The following CA10 variants were observed in gnomAD, a reference collection of about 807,000 sequenced individuals.
CA10 encodes carbonic anhydrase 10 (inactive).
A neutral mutation model predicts 44.2 loss-of-function variants in CA10; 14 were observed. That is an observed-to-expected ratio of 0.32 (90% CI 0.21 to 0.50). CA10 has a LOEUF of 0.50. Ranked by LOEUF, CA10 falls within the 20% of genes least tolerant of loss-of-function variation. CA10 has a pLI of 0.99. For synonymous variants in CA10, 159 were observed against 141.6 expected (o/e 1.12, Z -0.87); for missense variants, 350 against 409.7 (o/e 0.85, Z 1.26).
At chr17:51,788,234 T>G (rs1906371294) in intron 3 of CA10, among the ~76,000 whole-genome samples, 1 of 152,236 alleles carries the variant, frequency 6.6e-6, no homozygotes, top group Non-Finnish European at 1.5e-5. Flanking sequence ...GATTGTTTAA[T>G]TTCCATGTAT....
intron 3 of CA10, among the ~76,000 whole-genome samples, chr17:51,765,691 C>T (rs963931549): frequency 7.1e-6 from 1 of 140,284 alleles, no homozygotes; most frequent in Admixed American, 7.2e-5. Flanking sequence ...AGGCAGCTCC[C>T]TGTGTGTGTG....
chr17:51,749,447 C>G (rs1374765427), intron 3 of CA10, among the ~76,000 whole-genome samples: 2 of 152,194 alleles, frequency 1.3e-5, no homozygotes, highest in Admixed American at 1.3e-4. Flanking sequence ...GTGAGGAGAG[C>G]CATCCCAGGA....
At chr17:52,074,269 G>A (rs1987760875) in intron 1 of CA10, among the ~76,000 whole-genome samples, 1 of 152,136 alleles carries the variant, frequency 6.6e-6, no homozygotes, top group South Asian at 2.1e-4. Context: ...CCCCAAACCT[G>A]ATAATTCTCT....
chr17:52,076,358 C>T (rs985252588), intron 1 of CA10, among the ~76,000 whole-genome samples: 8 of 152,158 alleles, frequency 5.3e-5, no homozygotes, highest in African/African-American at 1.9e-4. Context: ...GCTTCTTTGG[C>T]TATCACATCC....
intron 2 of CA10, among the ~76,000 whole-genome samples, chr17:51,972,244 T>A (rs1369087028): frequency 1.3e-5 from 2 of 152,046 alleles, no homozygotes; most frequent in Non-Finnish European, 2.9e-5. Context: ...ACACTGAAAA[T>A]TTTTTGGAGA....
intron 3 of CA10, among the ~76,000 whole-genome samples, chr17:51,763,861 TTCTC>T (rs1268725012): frequency 6.6e-6 from 1 of 152,006 alleles, no homozygotes; most frequent in African/African-American, 2.4e-5. Flanking sequence ...AATCTGCCCA[TTCTC>T]TCTGTCTCTG....
At chr17:51,692,966 G>T (rs2143432544) in intron 4 of CA10, among the ~76,000 whole-genome samples, 1 of 152,256 alleles carries the variant, frequency 6.6e-6, no homozygotes, top group Non-Finnish European at 1.5e-5. Flanking sequence ...GTTTCAACAG[G>T]TCTTAGTCAG....
At chr17:51,966,288 G>C (rs1481275907) in intron 2 of CA10, among the ~76,000 whole-genome samples, 1 of 151,882 alleles carries the variant, frequency 6.6e-6, no homozygotes, top group Non-Finnish European at 1.5e-5. Context: ...GCTGCCCAGT[G>C]CAATCTACAG....
intron 4 of CA10, among the ~76,000 whole-genome samples, chr17:51,666,789 A>T (rs2066119287): frequency 6.6e-6 from 1 of 152,248 alleles, no homozygotes; most frequent in South Asian, 2.1e-4. Context: ...TAAGAAAATG[A>T]TGTATCAATT....
rs1419698858 is a variant in CA10, at chr17:51,715,046, G to C, written c.465+32587C>G. 4.6e-5 allele frequency among the ~76,000 whole-genome samples: 7 copies of C among 152,140 alleles called. No homozygotes were observed. In the East Asian group the frequency reaches 7.7e-4, roughly 17 times the overall value. On this transcript the variant is annotated intron_variant, in intron 4 of 8. Transcript: ENST00000451037. Reference sequence around the variant, plus strand: ...TGAAAAGAACAAAATAAGGGAGGATGATGAGTTCATGTCTTTGTAGGGACA... The same window carrying C: ...TGAAAAGAACAAAATAAGGGAGGATCATGAGTTCATGTCTTTGTAGGGACA...
intron 4 of CA10, among the ~76,000 whole-genome samples, chr17:51,736,995 G>T (rs958271746): frequency 1.2e-4 from 18 of 152,174 alleles, no homozygotes; most frequent in Non-Finnish European, 7.3e-5. Flanking sequence ...TAAGGCTGAT[G>T]CAGAATTGAG....
At chr17:51,757,956 G>A (rs1374560446) in intron 3 of CA10, among the ~76,000 whole-genome samples, 1 of 152,108 alleles carries the variant, frequency 6.6e-6, no homozygotes, top group Non-Finnish European at 1.5e-5. Context: ...TGGCTTAGAT[G>A]TAGGTAAATA....
At chr17:51,749,201 A>T (rs890594609) in intron 3 of CA10, among the ~76,000 whole-genome samples, 6 of 152,174 alleles carry the variant, frequency 3.9e-5, no homozygotes, top group African/African-American at 1.4e-4. Context: ...CCTCCCTATA[A>T]CTACACTCCC....
intron 2 of CA10, among the ~76,000 whole-genome samples, chr17:52,021,832 A>G (rs1327509114): frequency 6.6e-6 from 1 of 152,118 alleles, no homozygotes; most frequent in Admixed American, 6.6e-5. Flanking sequence ...AGGAATGCAC[A>G]ACCTTCAAAT....
intron 1 of CA10, chr17:52,135,054 GA>G (rs753503635): frequency 4.2e-6 from 2 of 478,904 alleles, no homozygotes; most frequent in African/African-American, 2.0e-5. Flanking sequence ...GGTCGCCTGT[GA>G]GAAATAAAAA....
At chr17:51,956,084 T>C (rs972571754) in intron 2 of CA10, among the ~76,000 whole-genome samples, 7 of 152,194 alleles carry the variant, frequency 4.6e-5, no homozygotes, top group African/African-American at 2.4e-5. Flanking sequence ...AAATATTTTA[T>C]AGAAAAGCAT....
rs144122730 is a variant in CA10 at position 51,672,210 on chromosome 17, C to G, written c.466-18474G>C. Reference sequence around the variant, plus strand: ...CCTCTTCCCCCAAATACACACAGATCGTCACACACAAACAATACTACTGCT... The same window carrying G: ...CCTCTTCCCCCAAATACACACAGATGGTCACACACAAACAATACTACTGCT... On this transcript the variant is annotated intron_variant, in intron 4 of 8. Transcript: ENST00000451037. Among the ~76,000 whole-genome samples, 254 of 152,316 alleles carry G rather than the reference C, an allele frequency of 1.7e-3. 8 individuals are homozygous for G. The highest frequency in any genetic ancestry group is 0.016 in the Admixed American group (238 of 15,298).
At chr17:51,813,747 A>C (rs1907461502) in intron 3 of CA10, among the ~76,000 whole-genome samples, 1 of 152,166 alleles carries the variant, frequency 6.6e-6, no homozygotes, top group East Asian at 1.9e-4. Context: ...CTAGAATCCT[A>C]ATGTCCCATA....
intron 2 of CA10, among the ~76,000 whole-genome samples, chr17:52,039,448 C>G (rs1329782159): frequency 1.3e-5 from 2 of 151,962 alleles, no homozygotes; most frequent in Non-Finnish European, 2.9e-5. Context: ...TTAAAGTGAT[C>G]TGAAACCAGC....
Sources: allele counts gnomAD v4.1 joint callset (sites outside exome capture counted in the v4.1 genomes callset), GRCh38; gene constraint gnomAD v4.1.1; transcripts MANE v1.5; gene names NCBI Gene and HGNC (gene_info 2026-07-23, HGNC 2026-07-21).